The following SLC22A25 variants were observed in gnomAD, a reference collection of about 807,000 sequenced individuals.
The protein encoded by SLC22A25 is solute carrier family 22 member 25, also known as MGI:2442751, MGI:2385316, MGI:3042283, MGI:3645714, MGI:3605624, MGI:2442750.
Under a neutral mutation model 45.9 loss-of-function variants are expected in SLC22A25, and 44 were observed. The ratio of observed to expected loss-of-function variants is 0.96; its 90% CI spans 0.75 to 1.23. The LOEUF is 1.23. Among genes scored for constraint, SLC22A25 ranks in the 50% most tolerant of loss-of-function variants. The pLI is 0.00. For missense variants in SLC22A25, 800 were observed against 666.4 expected (o/e 1.20, Z -2.21); for synonymous variants, 283 against 238.6 (o/e 1.19, Z -1.72).
Position 63,179,851 on chromosome 11 carries a change from G to A in SLC22A25, c.1070+809C>T, listed in dbSNP as rs532795995. 3.4e-4 allele frequency among the ~76,000 whole-genome samples: 52 copies of A among 152,206 alleles called. 2 individuals are homozygous for A. In the South Asian group the frequency reaches 0.01, roughly 30 times the overall value. On this transcript the variant is annotated intron_variant, in intron 9 of 11. Coordinates refer to ENST00000306494, the MANE Select transcript of SLC22A25 (RefSeq NM_199352.6). ...CTCACTTTGTCCTCAGTGACCTTAG[G>A]CATCCAAATATGCCAGTTCCATCAG...
At chr11:63,197,268 A>C (rs144790177) in intron 7 of SLC22A25, among the ~76,000 whole-genome samples, 5,121 of 152,252 alleles carry the variant, frequency 0.034, 117 homozygotes, top group Non-Finnish European at 0.056. Context: ...TAAAGCTCAT[A>C]TGGAACCAAA....
At chr11:63,225,169 C>A (rs911859863) in intron 5 of SLC22A25, among the ~76,000 whole-genome samples, 1 of 151,988 alleles carries the variant, frequency 6.6e-6, no homozygotes, top group African/African-American at 2.4e-5. Context: ...GTTTATATGC[C>A]ACAATTACAG....
chr11:63,233,194 C>G (rs2090101754), intron 3 of SLC22A25, among the ~76,000 whole-genome samples: 1 of 151,980 alleles, frequency 6.6e-6, no homozygotes. Context: ...GATTGTAGTA[C>G]TTTAAGAAGG....
intron 7 of SLC22A25, among the ~76,000 whole-genome samples, chr11:63,185,495 C>A (rs2088495469): frequency 6.6e-6 from 1 of 150,992 alleles, no homozygotes; most frequent in East Asian, 2.0e-4. Flanking sequence ...GCATAGTATT[C>A]CATGGTGTAT....
chr11:63,188,251 A>G (rs930785691), intron 7 of SLC22A25, among the ~76,000 whole-genome samples: 4 of 152,096 alleles, frequency 2.6e-5, no homozygotes, highest in African/African-American at 9.7e-5. Context: ...CAGAGATTCA[A>G]CTTCTTCCTG....
chr11:63,205,430 G>C (rs1249124709), intron 7 of SLC22A25, among the ~76,000 whole-genome samples: 1 of 152,032 alleles, frequency 6.6e-6, no homozygotes, highest in Non-Finnish European at 1.5e-5. Context: ...GAAGAAAAGA[G>C]AGAAGAATCA....
chr11:63,162,711 G>A lies in SLC22A25; in HGVS notation c.*1113C>T, dbSNP rs983637288. Among the ~76,000 whole-genome samples, 1 of 151,888 alleles carries A rather than the reference G, an allele frequency of 6.6e-6. No individual in the cohort carries two copies. The highest frequency in any genetic ancestry group is 1.5e-5 in the Non-Finnish European group (1 of 67,950). Reference sequence around the variant, plus strand: ...ATTATGATTCCTTTTAAAGTGTTATGATTTTCTTCAAACTTCTTATGATTA... The same window carrying A: ...ATTATGATTCCTTTTAAAGTGTTATAATTTTCTTCAAACTTCTTATGATTA... On this transcript the variant is annotated 3_prime_UTR_variant, in exon 12 of 12. Coordinates refer to ENST00000306494, the MANE Select transcript of SLC22A25 (RefSeq NM_199352.6).
chr11:63,184,558 A>G (rs767897676), intron 7 of SLC22A25, among the ~76,000 whole-genome samples: 4 of 152,154 alleles, frequency 2.6e-5, no homozygotes, highest in Admixed American at 2.0e-4. Context: ...AGCACAGGAC[A>G]AGATGTAAAT....
intron 7 of SLC22A25, among the ~76,000 whole-genome samples, chr11:63,206,083 C>T (rs575009723): frequency 9.2e-5 from 14 of 152,286 alleles, no homozygotes; most frequent in African/African-American, 3.4e-4. Context: ...TAAAATTGAA[C>T]ACCACTTCAT....
intron 7 of SLC22A25, among the ~76,000 whole-genome samples, chr11:63,200,655 C>T (rs1333847397): frequency 6.6e-6 from 1 of 152,038 alleles, no homozygotes; most frequent in Non-Finnish European, 1.5e-5. Flanking sequence ...AATTCCTGGC[C>T]AGGGCAATCA....
chr11:63,170,729 A>G (rs1456828133), intron 9 of SLC22A25, among the ~76,000 whole-genome samples: 2 of 151,874 alleles, frequency 1.3e-5, no homozygotes, highest in Non-Finnish European at 2.9e-5. Flanking sequence ...GAATTCTCCC[A>G]GAGGTGCAAA....
chr11:63,231,459 G>A lies in SLC22A25; in HGVS notation c.-444-1363C>T, dbSNP rs535418344. Among the ~76,000 whole-genome samples, 10 of 152,270 alleles carry A rather than the reference G, an allele frequency of 6.6e-5. 2 individuals are homozygous for A. The East Asian group carries it at 7.7e-4, about 12-fold the overall frequency. On this transcript the variant is annotated intron_variant, in intron 3 of 11. Transcript: ENST00000306494. ...CTGCATAAATGTCTTCTTTTGAGAA[G>A]CATCTGTTCATATACTTTGCCCACT...
intron 9 of SLC22A25, among the ~76,000 whole-genome samples, chr11:63,178,473 AG>A (rs1331051920): frequency 2.9e-5 from 3 of 103,934 alleles, no homozygotes; most frequent in Non-Finnish European, 6.9e-5. Flanking sequence ...CATCTTCCCC[AG>A]CATTTTTTTT....
chr11:63,171,094 C>T (rs1448212389), intron 9 of SLC22A25, among the ~76,000 whole-genome samples: 1 of 152,102 alleles, frequency 6.6e-6, no homozygotes, highest in Non-Finnish European at 1.5e-5. Context: ...GCAGAAAAGA[C>T]CTTCAATCAA....
At chr11:63,209,989 A>C (rs1310671775) in intron 7 of SLC22A25, among the ~76,000 whole-genome samples, 1 of 152,210 alleles carries the variant, frequency 6.6e-6, no homozygotes, top group African/African-American at 2.4e-5. Context: ...GCACTCCCAA[A>C]TGGGAAAAAA....
At chr11:63,187,738 A>G (rs759071604) in intron 7 of SLC22A25, among the ~76,000 whole-genome samples, 6 of 152,180 alleles carry the variant, frequency 3.9e-5, no homozygotes, top group Admixed American at 6.5e-5. Flanking sequence ...TAATTTATTG[A>G]GAATTTTTAG....
At chr11:63,207,583 A>T (rs1012009033) in intron 7 of SLC22A25, among the ~76,000 whole-genome samples, 2 of 152,106 alleles carry the variant, frequency 1.3e-5, no homozygotes, top group African/African-American at 2.4e-5. Context: ...TTGGAACAGG[A>T]ATTAAGAGAA....
At chr11:63,221,406 G>A (rs924912066) in intron 5 of SLC22A25, among the ~76,000 whole-genome samples, 1 of 152,002 alleles carries the variant, frequency 6.6e-6, no homozygotes, top group African/African-American at 2.4e-5. Context: ...TCATATACCT[G>A]TTTGTTTTTT....
intron 9 of SLC22A25, chr11:63,167,458 T>A (rs181970579): frequency 1.3e-5 from 2 of 152,432 alleles, no homozygotes; most frequent in East Asian, 3.9e-4. Context: ...GAGGTCGAAC[T>A]GGGATGATCA....
Sources: allele counts gnomAD v4.1 joint callset (sites outside exome capture counted in the v4.1 genomes callset), GRCh38; gene constraint gnomAD v4.1.1; transcripts MANE v1.5; gene names NCBI Gene and HGNC (gene_info 2026-07-23, HGNC 2026-07-21).